Variants in AK3 observed in about 807,000 individuals in gnomAD.
AK3 encodes the protein GTP:AMP phosphotransferase AK3, mitochondrial.
AK3 carries 27 observed loss-of-function variants against 23.7 expected under a neutral mutation model. The observed-to-expected ratio is 1.14, with a 90% CI of 0.84 to 1.57. The LOEUF (loss-of-function observed/expected upper bound fraction) is 1.57. Ranked by LOEUF, AK3 falls within the 40% of genes most tolerant of loss-of-function variation. The pLI is 0.00. For missense variants in AK3, 406 were observed against 285.6 expected (o/e 1.42, Z -3.04); for synonymous variants, 159 against 116.0 (o/e 1.37, Z -2.38).
At chr9:4,730,646 G>C (rs1842131192) in intron 1 of AK3, among the ~76,000 whole-genome samples, 1 of 151,994 alleles carries the variant, frequency 6.6e-6, no homozygotes, top group Non-Finnish European at 1.5e-5. Context: ...TTTGAGTTTT[G>C]TTTATATATA....
intron 4 of AK3, among the ~76,000 whole-genome samples, chr9:4,716,874 T>C (rs146538912): frequency 1.1e-3 from 171 of 152,286 alleles, no homozygotes; most frequent in African/African-American, 4.0e-3. Context: ...AAGGCTGTAG[T>C]GAACTATGAA....
At position 4,711,853 on chromosome 9, in the gene AK3, A is replaced by C. The variant is rs191160120; in HGVS notation, c.*1123T>G. 9 of 152,342 alleles carry C rather than the reference A, an allele frequency of 5.9e-5. No individual in the cohort carries two copies. Among genetic ancestry groups the C allele is most frequent in the Admixed American group, 5.9e-4 (9 of 15,308 alleles). 9.4% of individuals were successfully genotyped at this position (152,342 alleles called of 1,614,324 possible). On this transcript the variant is annotated 3_prime_UTR_variant, in exon 5 of 5. Transcript: ENST00000381809. The stretch of plus-strand genomic sequence containing the variant: ...CTAACAGGTATCAATTTCTTTGATC[A>C]GGAACAAAGAACTCCTTCAGGAAAC...
At chr9:4,716,781 A>G (rs915679362) in intron 4 of AK3, among the ~76,000 whole-genome samples, 49 of 152,136 alleles carry the variant, frequency 3.2e-4, no homozygotes, top group African/African-American at 1.1e-3. Context: ...AATTTTTTTA[A>G]TTGGCCAGGT....
At chr9:4,741,393 C>A (rs1274648665), upstream of AK3, 2 of 277,462 alleles carry the variant, frequency 7.2e-6, no homozygotes, top group Non-Finnish European at 1.3e-5. Context: ...CCGCCCAGCT[C>A]CCACCTGCGC....
At chr9:4,741,363 C>CT (rs1341058226), upstream of AK3, 3 of 331,156 alleles carry the variant, frequency 9.1e-6, no homozygotes, top group Non-Finnish European at 1.6e-5. Context: ...GCAAGCCGCG[C>CT]CCCCTCTGCG....
In AK3 at chr9:4,710,410, G is replaced by C. The variant is rs562414317; in HGVS notation, c.*2566C>G. ...TTTTTTTTGTATTTTTAGTAGAGACGGGGTTTCACCGTGTTAGCCAGGATG... is the reference window on the plus strand; with the variant it reads ...TTTTTTTTGTATTTTTAGTAGAGACCGGGTTTCACCGTGTTAGCCAGGATG... On this transcript the variant is annotated 3_prime_UTR_variant, in exon 5 of 5. Coordinates refer to ENST00000381809, the MANE Select transcript of AK3 (RefSeq NM_016282.4). 4.2e-5 allele frequency: 6 copies of C among 144,142 alleles called. No individual in the cohort carries two copies. The highest frequency in any genetic ancestry group is 6.2e-5 in the Non-Finnish European group (4 of 64,918). The allele number at this position is 144,142 out of a possible 1,614,324, so 8.9% of individuals were successfully genotyped here.
In AK3 at chr9:4,736,362, T is replaced by A. The variant is rs191386858; in HGVS notation, c.151+4575A>T. 3.4e-4 allele frequency among the ~76,000 whole-genome samples: 52 copies of A among 151,812 alleles called. 1 individual carries two copies. Among genetic ancestry groups the A allele is most frequent in the African/African-American group, 1.2e-3 (51 of 41,366 alleles). On this transcript the variant is annotated intron_variant, in intron 1 of 4. Coordinates refer to ENST00000381809, the MANE Select transcript of AK3 (RefSeq NM_016282.4). ...AAAAACACATACACAAAGAGAAGCATAGGTAAACATTTGATTGTATAAGCA... is the reference window on the plus strand; with the variant it reads ...AAAAACACATACACAAAGAGAAGCAAAGGTAAACATTTGATTGTATAAGCA...
chr9:4,713,895 T>G, intron 4 of AK3, among the ~76,000 whole-genome samples: 2 of 14 alleles, frequency 0.14, no homozygotes, highest in Non-Finnish European at 0.25. Flanking sequence ...AGCCCATGCG[T>G]ACACCTACGC....
intron 1 of AK3, among the ~76,000 whole-genome samples, chr9:4,725,044 T>C (rs1841991592): frequency 7.1e-6 from 1 of 141,252 alleles, no homozygotes; most frequent in Non-Finnish European, 1.5e-5. Flanking sequence ...TTTTTTGAGA[T>C]GGAGTCTCAC....
At chr9:4,726,200 T>C (rs1842020180) in intron 1 of AK3, among the ~76,000 whole-genome samples, 1 of 152,192 alleles carries the variant, frequency 6.6e-6, no homozygotes, top group South Asian at 2.1e-4. Context: ...TGCTGACTGA[T>C]CAGGATGGAG....
chr9:4,715,129 GA>G (rs1197357673), intron 4 of AK3, among the ~76,000 whole-genome samples: 2 of 142,662 alleles, frequency 1.4e-5, no homozygotes, highest in Non-Finnish European at 3.0e-5. Context: ...TGAGGCATAA[GA>G]ATCGCTTGAA....
intron 4 of AK3, among the ~76,000 whole-genome samples, chr9:4,715,245 G>T (rs897800105): frequency 6.7e-6 from 1 of 149,366 alleles, no homozygotes; most frequent in Non-Finnish European, 1.5e-5. Flanking sequence ...AAGAAAGAAG[G>T]AAAGAAAAAG....
chr9:4,729,781 T>G (rs2130901160), intron 1 of AK3, among the ~76,000 whole-genome samples: 1 of 150,356 alleles, frequency 6.7e-6, no homozygotes, highest in South Asian at 2.1e-4. Flanking sequence ...TGTTGAGTTA[T>G]GATTGCACCA....
At chr9:4,734,689 T>G (rs1032588319) in intron 1 of AK3, among the ~76,000 whole-genome samples, 16 of 152,260 alleles carry the variant, frequency 1.1e-4, no homozygotes, top group African/African-American at 3.6e-4. Context: ...AATTGTTCTT[T>G]AAGTTATTTA....
chr9:4,719,256 A>T lies in AK3; in HGVS notation c.323T>A (p.Ile108Asn), dbSNP rs749422085. 2 of 1,602,276 alleles carry T rather than the reference A, an allele frequency of 1.2e-6. No homozygotes were observed. The highest frequency in any genetic ancestry group is 4.5e-5 in the East Asian group (2 of 44,078). ...CACATTCAGGTTAATCACTGTGTCG[A>T]TCTGATAAGCTCTATCTAGGGCTTC... ...QAEALDRAYQ[I>N]DTVINLNVPF... is the part of the protein sequence containing the mutation. The change falls in exon 3 of 5, where the codon ATC becomes AAC. Residue 108 changes from isoleucine to asparagine, a missense_variant. Ile to Asn is a moderately radical substitution (Grantham distance 149, BLOSUM62 -3). Transcript: ENST00000381809.
chr9:4,714,317 T>C (rs754313715), intron 4 of AK3, among the ~76,000 whole-genome samples: 1 of 152,196 alleles, frequency 6.6e-6, no homozygotes, highest in African/African-American at 2.4e-5. Flanking sequence ...TATACCTGTG[T>C]GGCCCTTCTT....
At position 4,709,637 on chromosome 9, in the gene AK3, T is replaced by C. The variant is rs1437329428; in HGVS notation, c.*3339A>G. The C allele has an allele frequency of 6.6e-6, 1 of 152,066 alleles. No individual in the cohort carries two copies. The highest frequency in any genetic ancestry group is 1.5e-5 in the Non-Finnish European group (1 of 68,000). The allele number at this position is 152,066 out of a possible 1,614,324, so 9.4% of individuals were successfully genotyped here. A position where few individuals can be genotyped will look rare whatever the true frequency, so the allele number is the denominator to read the frequency against. On this transcript the variant is annotated 3_prime_UTR_variant, in exon 5 of 5. Coordinates refer to ENST00000381809, the MANE Select transcript of AK3 (RefSeq NM_016282.4). ...TATTATTTAGTGAGCTAAAAACAAATAAAAAGCAGGAGGGGGATAAGGGCT... is the reference window on the plus strand; with the variant it reads ...TATTATTTAGTGAGCTAAAAACAAACAAAAAGCAGGAGGGGGATAAGGGCT...
chr9:4,721,441 A>G (rs975763120), intron 2 of AK3, among the ~76,000 whole-genome samples: 3 of 148,268 alleles, frequency 2.0e-5, no homozygotes, highest in African/African-American at 7.4e-5. Context: ...CCTCAACTAC[A>G]TTACTCTCTG....
At chr9:4,737,037 C>T (rs370726477) in intron 1 of AK3, among the ~76,000 whole-genome samples, 2 of 152,072 alleles carry the variant, frequency 1.3e-5, no homozygotes, top group Non-Finnish European at 2.9e-5. Flanking sequence ...TAAGCAATCA[C>T]ACTTCAACCT....
Sources: allele counts gnomAD v4.1 joint callset (sites outside exome capture counted in the v4.1 genomes callset), GRCh38; gene constraint gnomAD v4.1.1; transcripts MANE v1.5; gene names NCBI Gene and HGNC (gene_info 2026-07-23, HGNC 2026-07-21).